Variants in AGPAT4 observed in about 807,000 individuals in gnomAD.
The protein encoded by AGPAT4 is 1-acylglycerol-3-phosphate O-acyltransferase 4.
AGPAT4 carries 15 observed loss-of-function variants against 48.0 expected under a neutral mutation model. The ratio of observed to expected loss-of-function variants is 0.31; its 90% CI spans 0.21 to 0.48. The LOEUF (loss-of-function observed/expected upper bound fraction) is 0.48, where lower values mean the gene tolerates loss of function less well. Ranked by LOEUF, AGPAT4 falls within the 20% of genes least tolerant of loss-of-function variation. AGPAT4 has a pLI of 0.99. For synonymous variants in AGPAT4, 178 were observed against 198.7 expected (o/e 0.90, Z 0.88); for missense variants, 314 against 482.5 (o/e 0.65, Z 3.27).
rs1478276865 is a variant in AGPAT4 at position 161,229,763 on chromosome 6, C to A, written c.178+2273G>T. On this transcript the variant is annotated intron_variant, in intron 2 of 8. Transcript: ENST00000320285. This position sits in a 1 kb window ranked among gnomAD's most constrained non-coding sequence, Gnocchi z 6.0. ...CTCTAGAGGGAGGAATCTTCCCTTC[C>A]CGCTTCGGATTGTTTAAAAATGCTT... Among the ~76,000 whole-genome samples the A allele has an allele frequency of 6.6e-6, 1 of 152,142 alleles. No homozygotes were observed. Among genetic ancestry groups the A allele is most frequent in the Non-Finnish European group, 1.5e-5 (1 of 68,020 alleles).
In AGPAT4 at chr6:161,232,154, G is replaced by C; in HGVS notation, c.60C>G (p.Val20=). Residue 20 remains valine (V), a synonymous_variant, in exon 2 of 9, where the codon GTC becomes GTG. Transcript: ENST00000320285. The surrounding 1 kb of genome is among the most constrained non-coding windows in gnomAD (Gnocchi z 6.8). ...TGATGATTAGCCCTGAGGCAATAAA[G>C]ACGTAGCAGAAGACCAGGTGGCACA... is the stretch of plus-strand genomic sequence containing the variant. ...QFLCHLVFCY[V]FIASGLIINT... 2 of 1,614,186 alleles carry C rather than the reference G, an allele frequency of 1.2e-6. No homozygotes were observed. The highest frequency in any genetic ancestry group is 1.3e-5 in the African/African-American group (1 of 75,054).
At position 161,159,607 on chromosome 6, in the gene AGPAT4, G is replaced by A. The variant is rs55791432; in HGVS notation, c.349-5297C>T. Among the ~76,000 whole-genome samples the A allele has an allele frequency of 3.7e-3, 570 of 152,296 alleles. 5 individuals are homozygous for A. Among genetic ancestry groups the A allele is most frequent in the Middle Eastern group, 0.017 (5 of 294 alleles). ...ATAATGAATCAGTTTGTGTGCACGC[G>A]TGCGTGTGTGTGTGTGTTCATCAAA... On this transcript the variant is annotated intron_variant, in intron 3 of 8. Transcript: ENST00000320285. This position sits in a 1 kb window ranked among gnomAD's most constrained non-coding sequence, Gnocchi z 4.1.
Position 161,242,043 on chromosome 6 carries a change from A to T in AGPAT4, c.-89-9741T>A, listed in dbSNP as rs1769756229. ...CCACAGCACCTGGCCAAAAATGTTT[A>T]CAGTTAAACATCATAGGGCTTCTGA... On this transcript the variant is annotated intron_variant, in intron 1 of 8. Coordinates refer to ENST00000320285, the MANE Select transcript of AGPAT4 (RefSeq NM_020133.3). This position sits in a 1 kb window ranked among gnomAD's most constrained non-coding sequence, Gnocchi z 5.0. Among the ~76,000 whole-genome samples the T allele has an allele frequency of 6.6e-6, 1 of 152,224 alleles. No individual in the cohort carries two copies. The highest frequency in any genetic ancestry group is 2.4e-5 in the African/African-American group (1 of 41,468).
Position 161,136,241 on chromosome 6 carries a change from A to C in AGPAT4, c.*299T>G. On this transcript the variant is annotated 3_prime_UTR_variant, in exon 9 of 9. Transcript: ENST00000320285. ...GGTCCCCAGCCCTGCCCTCCCCTGC[A>C]GCCTAAAATACCCTTTCTATGATCA... 3.0e-6 allele frequency: 1 copy of C among 335,752 alleles called. No individual in the cohort carries two copies. The highest frequency in any genetic ancestry group is 5.6e-6 in the Non-Finnish European group (1 of 178,630). 20.8% of individuals were successfully genotyped at this position (335,752 alleles called of 1,614,324 possible).
rs935376803 is a variant in AGPAT4, at chr6:161,249,575, G to T, written c.-89-17273C>A. ...CACATGAAAAAAAGCTCAACATCAT[G>T]ATCATTAGAGAAATGCAAATCAAAA... is the stretch of plus-strand genomic sequence containing the variant. On this transcript the variant is annotated intron_variant, in intron 1 of 8. Transcript: ENST00000320285. This position sits in a 1 kb window ranked among gnomAD's most constrained non-coding sequence, Gnocchi z 6.2. Among the ~76,000 whole-genome samples, 9 of 152,108 alleles carry T rather than the reference G, an allele frequency of 5.9e-5. No individual in the cohort carries two copies. The highest frequency in any genetic ancestry group is 9.7e-5 in the African/African-American group (4 of 41,408).
Position 161,140,242 on chromosome 6 carries a change from G to A in AGPAT4, c.844-622C>T, listed in dbSNP as rs1779207624. ...AAGGGCTGGAGGGCTGCTGGGTGTG[G>A]CTCTCAGAGGTGACAGCACACTCAG... On this transcript the variant is annotated intron_variant, in intron 7 of 8. Coordinates refer to ENST00000320285, the MANE Select transcript of AGPAT4 (RefSeq NM_020133.3). This position sits in a 1 kb window ranked among gnomAD's most constrained non-coding sequence, Gnocchi z 6.5. Among the ~76,000 whole-genome samples the A allele has an allele frequency of 6.6e-6, 1 of 152,216 alleles. No individual in the cohort carries two copies. The highest frequency in any genetic ancestry group is 6.5e-5 in the Admixed American group (1 of 15,290).
rs372303097 is a variant in AGPAT4, at chr6:161,217,778, T to A, written c.178+14258A>T. 1.3e-5 allele frequency among the ~76,000 whole-genome samples: 2 copies of A among 152,110 alleles called. No homozygotes were observed. The highest frequency in any genetic ancestry group is 1.3e-4 in the Admixed American group (2 of 15,284). The stretch of plus-strand genomic sequence containing the variant: ...GGATCAGGGAGTCCAGCCAGAAACC[T>A]CCTCCCCTGACCCCGCCTGCCCAGG... On this transcript the variant is annotated intron_variant, in intron 2 of 8. Transcript: ENST00000320285. The surrounding 1 kb of genome is among the most constrained non-coding windows in gnomAD (Gnocchi z 4.9).
At chr6:161,227,564 C>A (rs572446379) in intron 2 of AGPAT4, among the ~76,000 whole-genome samples, 57 of 152,358 alleles carry the variant, frequency 3.7e-4, no homozygotes, top group African/African-American at 1.2e-3. Context: ...TCCCAACCCT[C>A]TTGCACGCAC....
At chr6:161,151,103 C>T (rs1231947404) in intron 5 of AGPAT4, among the ~76,000 whole-genome samples, 2 of 152,238 alleles carry the variant, frequency 1.3e-5, no homozygotes, top group African/African-American at 4.8e-5. Flanking sequence ...CTGATTCTAA[C>T]TGCAAGGCGC....
chr6:161,131,822 C>T lies in AGPAT4; in HGVS notation c.*4718G>A, dbSNP rs1340407552. On this transcript the variant is annotated 3_prime_UTR_variant, in exon 9 of 9. Coordinates refer to ENST00000320285, the MANE Select transcript of AGPAT4 (RefSeq NM_020133.3). ...GGAACAGCAACATGTCCTTAGTCCTCAGCCTAAGAAGTCCATCGAGTCCTT... is the reference window on the plus strand; with the variant it reads ...GGAACAGCAACATGTCCTTAGTCCTTAGCCTAAGAAGTCCATCGAGTCCTT... 1 of 152,242 alleles carries T rather than the reference C, an allele frequency of 6.6e-6. No individual in the cohort carries two copies. Among genetic ancestry groups the T allele is most frequent in the East Asian group, 1.9e-4 (1 of 5,206 alleles). The allele number at this position is 152,242 out of a possible 1,614,324, so 9.4% of individuals were successfully genotyped here.
At position 161,232,905 on chromosome 6, in the gene AGPAT4, C is replaced by T. The variant is rs942366181; in HGVS notation, c.-89-603G>A. 6.6e-6 allele frequency among the ~76,000 whole-genome samples: 1 copy of T among 152,170 alleles called. No individual in the cohort carries two copies. Among genetic ancestry groups the T allele is most frequent in the African/African-American group, 2.4e-5 (1 of 41,446 alleles). On this transcript the variant is annotated intron_variant, in intron 1 of 8. Transcript: ENST00000320285. The surrounding 1 kb of genome is among the most constrained non-coding windows in gnomAD (Gnocchi z 6.8). ...AGGGAAGCATTTACTTGAAAACCACCACTGTTTCTCCAGCACATGAGAGCC... is the reference window on the plus strand; with the variant it reads ...AGGGAAGCATTTACTTGAAAACCACTACTGTTTCTCCAGCACATGAGAGCC...
At position 161,135,087 on chromosome 6, in the gene AGPAT4, T is replaced by TTGTGCG. The variant is rs72031046; in HGVS notation, c.*1452_*1453insCGCACA. The TTGTGCG allele has an allele frequency of 1.3e-5, 1 of 77,906 alleles. No individual in the cohort carries two copies. Among genetic ancestry groups the TTGTGCG allele is most frequent in the East Asian group, 3.3e-4 (1 of 3,068 alleles). 4.8% of individuals were successfully genotyped at this position (77,906 alleles called of 1,614,324 possible). Reference sequence around the variant, plus strand: ...TAACTCCTTGGCTTACCTAGTTTGGTTGATAAACAATGACTAAATGAGCAA... The same window carrying TTGTGCG: ...TAACTCCTTGGCTTACCTAGTTTGGTTGTGCGTGATAAACAATGACTAAATGAGCAA... On this transcript the variant is annotated 3_prime_UTR_variant, in exon 9 of 9. Transcript: ENST00000320285.
In AGPAT4 at chr6:161,165,715, T is replaced by C. The variant is rs763660355; in HGVS notation, c.348+533A>G. The C allele has an allele frequency of 1.0e-6, 1 of 960,924 alleles. No homozygotes were observed. The allele number at this position is 960,924 out of a possible 1,614,324, so 59.5% of individuals were successfully genotyped here. On this transcript the variant is annotated intron_variant, in intron 3 of 8. Coordinates refer to ENST00000320285, the MANE Select transcript of AGPAT4 (RefSeq NM_020133.3). This position sits in a 1 kb window ranked among gnomAD's most constrained non-coding sequence, Gnocchi z 5.5. ...GCAAGCTACGTGCAAGAGGTCAAAC[T>C]AGTTGGGAAAAAAAAAAAACAGAAT...
At chr6:161,192,142 C>CTTTTTTTTT (rs573872820) in intron 2 of AGPAT4, among the ~76,000 whole-genome samples, 3 of 45,650 alleles carry the variant, frequency 6.6e-5, no homozygotes, top group Non-Finnish European at 7.1e-5. Context: ...AGAAGTTATA[C>CTTTTTTTTT]TTTTTTTTTT....
Position 161,200,327 on chromosome 6 carries a change from C to T in AGPAT4, c.178+31709G>A, listed in dbSNP as rs1168681027. On this transcript the variant is annotated intron_variant, in intron 2 of 8. Transcript: ENST00000320285. The surrounding 1 kb of genome is among the most constrained non-coding windows in gnomAD (Gnocchi z 5.5). Reference sequence around the variant, plus strand: ...GTTAACTAATATTTCACATTAAGGCCTGTGTGCCAGGTACTATAGGAAGGG... The same window carrying T: ...GTTAACTAATATTTCACATTAAGGCTTGTGTGCCAGGTACTATAGGAAGGG... Among the ~76,000 whole-genome samples the T allele has an allele frequency of 6.6e-6, 1 of 152,206 alleles. No homozygotes were observed. The highest frequency in any genetic ancestry group is 1.9e-4 in the East Asian group (1 of 5,202).
In AGPAT4 at chr6:161,262,842, C is replaced by T. The variant is rs1387426393; in HGVS notation, c.-90+11096G>A. 3.9e-5 allele frequency among the ~76,000 whole-genome samples: 6 copies of T among 152,108 alleles called. No homozygotes were observed. Among genetic ancestry groups the T allele is most frequent in the Admixed American group, 2.0e-4 (3 of 15,272 alleles). On this transcript the variant is annotated intron_variant, in intron 1 of 8. Coordinates refer to ENST00000320285, the MANE Select transcript of AGPAT4 (RefSeq NM_020133.3). This position sits in a 1 kb window ranked among gnomAD's most constrained non-coding sequence, Gnocchi z 4.9. ...AACCTCTAGGAGAACATGAGGATAA[C>T]GTCATAAACAGTGCTGATGAAAGAT...
rs1434974607 is a variant in AGPAT4 at position 161,158,753 on chromosome 6, G to T, written c.349-4443C>A. On this transcript the variant is annotated intron_variant, in intron 3 of 8. Coordinates refer to ENST00000320285, the MANE Select transcript of AGPAT4 (RefSeq NM_020133.3). This position sits in a 1 kb window ranked among gnomAD's most constrained non-coding sequence, Gnocchi z 5.3. Reference sequence around the variant, plus strand: ...AAGGGATCGGAATGAGGCCATTCTAGTTAAGGTTTTCTCCAAAATGGCTAC... The same window carrying T: ...AAGGGATCGGAATGAGGCCATTCTATTTAAGGTTTTCTCCAAAATGGCTAC... Among the ~76,000 whole-genome samples, 1 of 152,218 alleles carries T rather than the reference G, an allele frequency of 6.6e-6. No individual in the cohort carries two copies. The highest frequency in any genetic ancestry group is 1.5e-5 in the Non-Finnish European group (1 of 68,040).
Position 161,169,840 on chromosome 6 carries a change from C to A in AGPAT4, c.179-3423G>T, listed in dbSNP as rs1562322177. Among the ~76,000 whole-genome samples the A allele has an allele frequency of 6.6e-6, 1 of 152,206 alleles. No individual in the cohort carries two copies. The highest frequency in any genetic ancestry group is 1.5e-5 in the Non-Finnish European group (1 of 68,040). On this transcript the variant is annotated intron_variant, in intron 2 of 8. Transcript: ENST00000320285. The surrounding 1 kb of genome is among the most constrained non-coding windows in gnomAD (Gnocchi z 5.0). ...GTATATTTCTGGTTAGAGGGCACCACAAGAGACACTCTTGGGAGGTTTGCA... is the reference window on the plus strand; with the variant it reads ...GTATATTTCTGGTTAGAGGGCACCAAAAGAGACACTCTTGGGAGGTTTGCA...
rs71565799 is a variant in AGPAT4 at position 161,206,921 on chromosome 6, G to C, written c.178+25115C>G. Among the ~76,000 whole-genome samples the C allele has an allele frequency of 0.028, 4,231 of 152,294 alleles. 79 individuals carry two copies. Among genetic ancestry groups the C allele is most frequent in the Admixed American group, 0.04 (617 of 15,298 alleles). On this transcript the variant is annotated intron_variant, in intron 2 of 8. Transcript: ENST00000320285. The surrounding 1 kb of genome is among the most constrained non-coding windows in gnomAD (Gnocchi z 4.8). The stretch of plus-strand genomic sequence containing the variant: ...TCAGCAGAAGAGTGAAGGAGGCAGA[G>C]GAAAGAACCAGTGAACTCAAAGGCA...
Sources: allele counts gnomAD v4.1 joint callset (sites outside exome capture counted in the v4.1 genomes callset), GRCh38; gene constraint gnomAD v4.1.1; non-coding constraint Gnocchi (gnomAD v3.1); transcripts MANE v1.5; gene names NCBI Gene and HGNC (gene_info 2026-07-23, HGNC 2026-07-21).